E2F1: variants seen among roughly 807,000 people sequenced by gnomAD.
The protein encoded by E2F1 is transcription factor E2F1.
E2F1 carries 7 observed loss-of-function variants against 36.9 expected under a neutral mutation model. That is an observed-to-expected ratio of 0.19 (90% CI 0.11 to 0.36). The LOEUF (loss-of-function observed/expected upper bound fraction) is 0.36. Among genes scored for constraint, E2F1 ranks in the 10% least tolerant of loss-of-function variants. The probability of loss-of-function intolerance (pLI) is 1.00; values close to 1 mark genes in which losing one functional copy is unlikely to be tolerated. For synonymous variants in E2F1, 261 were observed against 263.1 expected (o/e 0.99, Z 0.08); for missense variants, 406 against 573.6 (o/e 0.71, Z 2.99).
intron 1 of E2F1, among the ~76,000 whole-genome samples, chr20:33,681,041 A>AT (rs1016090744): frequency 1.1e-4 from 17 of 151,198 alleles, no homozygotes; most frequent in African/African-American, 2.2e-4. Context: ...TTAAGGCACT[A>AT]TTTTTTTTTC....
chr20:33,680,119 G>A, intron 2 of E2F1, 145 bp from the exon 3 acceptor site: 1 of 913,656 alleles, frequency 1.1e-6, no homozygotes, highest in Non-Finnish European at 1.7e-6. Flanking sequence ...GCCAACCACA[G>A]CATTCTTCTT....
Position 33,683,324 on chromosome 20 carries a change from G to A in E2F1, c.261+2680C>T, listed in dbSNP as rs368771270. ...AAATTAGCCGGGTATGGTGGTGCAC[G>A]TCTGTAGTCCCAGCTACTCGGGAGG... On this transcript the variant is annotated intron_variant, in intron 1 of 6. Coordinates refer to ENST00000343380, the MANE Select transcript of E2F1 (RefSeq NM_005225.3). 1.7e-3 allele frequency among the ~76,000 whole-genome samples: 254 copies of A among 152,112 alleles called. 2 individuals are homozygous for A. Among genetic ancestry groups the A allele is most frequent in the South Asian group, 4.4e-3 (21 of 4,822 alleles).
chr20:33,680,375 C>T lies in E2F1; in HGVS notation c.303G>A (p.Leu101=). 2 of 1,614,208 alleles carry T rather than the reference C, an allele frequency of 1.2e-6. No homozygotes were observed. The highest frequency in any genetic ancestry group is 2.2e-5 in the East Asian group (1 of 44,890). The change falls in exon 2 of 7, where the codon CTG becomes CTA. Residue 101 remains leucine (L), a synonymous_variant. Transcript: ENST00000343380. ...RLDLETDHQY[L]AESSGPARGR... ...CCCGAGCTGGCCCACTGCTCTCGGC[C>T]AGGTACTGATGGTCAGTTTCCAGGT... is the stretch of plus-strand genomic sequence containing the variant.
intron 1 of E2F1, among the ~76,000 whole-genome samples, chr20:33,682,189 C>T (rs2018024335): frequency 6.6e-6 from 1 of 152,154 alleles, no homozygotes; most frequent in African/African-American, 2.4e-5. Flanking sequence ...TAGTGTCTGC[C>T]ATGGAGCCTG....
chr20:33,685,962 G>A (rs139636958), intron 1 of E2F1, 42 bp downstream of exon 1: 27,081 of 1,118,436 alleles, frequency 0.024, 387 homozygotes, highest in Admixed American at 0.035. Context: ...TGCGCGGGGG[G>A]CACAGGCGGC....
rs2018003443 is a variant in E2F1, at chr20:33,679,978, T to C, written c.353-4A>G. The C allele has an allele frequency of 1.9e-6, 3 of 1,610,396 alleles. No homozygotes were observed. The highest frequency in any genetic ancestry group is 2.5e-6 in the Non-Finnish European group (3 of 1,177,680). On this transcript the variant is annotated splice_polypyrimidine_tract_variant and splice_region_variant and intron_variant, in intron 2 of 6. Transcript: ENST00000343380. The surrounding 1 kb of genome is among the most constrained non-coding windows in gnomAD (Gnocchi z 4.6). ...TTCTCCCCCGGGGATTTCACACCTG[T>C]GGGGGTGTGGTCAGGCAAGACAGGG...
rs1443177467 is a variant in E2F1, at chr20:33,686,335, G to T, written c.-71C>A. The T allele has an allele frequency of 1.0e-6, 1 of 988,914 alleles. No individual in the cohort carries two copies. The highest frequency in any genetic ancestry group is 1.1e-4 in the East Asian group (1 of 9,070). 61.3% of individuals were successfully genotyped at this position (988,914 alleles called of 1,614,324 possible). A position where few individuals can be genotyped will look rare whatever the true frequency, so the allele number is the denominator to read the frequency against. On this transcript the variant is annotated 5_prime_UTR_variant, in exon 1 of 7. Transcript: ENST00000343380. ...CGCGGGCCCATGGCGGCAGGCCTCG[G>T]CGAGGGCTCGATCCCGCTCCGCCCC... is the stretch of plus-strand genomic sequence containing the variant.
At chr20:33,678,443 C>T in intron 3 of E2F1, 90 bp from the exon 4 acceptor site, 1 of 1,516,902 alleles carries the variant, frequency 6.6e-7, no homozygotes, top group South Asian at 1.2e-5. Flanking sequence ...CTGCTGTTGC[C>T]TCTGTTCTGT....
chr20:33,679,617 G>T lies in E2F1; in HGVS notation c.572+138C>A. 1 of 740,286 alleles carries T rather than the reference G, an allele frequency of 1.4e-6. No homozygotes were observed. The allele number at this position is 740,286 out of a possible 1,614,324, so 45.9% of individuals were successfully genotyped here. A position where few individuals can be genotyped will look rare whatever the true frequency, so the allele number is the denominator to read the frequency against. ...GTGCTTTTTACCATCTATCATCTCA[G>T]GGAAGCTACCTCTCCTCTCTGAGCC... On this transcript the variant is annotated intron_variant, in intron 3 of 6. Transcript: ENST00000343380. This position sits in a 1 kb window ranked among gnomAD's most constrained non-coding sequence, Gnocchi z 4.6.
rs1181655743 is a variant in E2F1, at chr20:33,679,152, A to C, written c.572+603T>G. 6.6e-6 allele frequency among the ~76,000 whole-genome samples: 1 copy of C among 152,258 alleles called. No homozygotes were observed. Among genetic ancestry groups the C allele is most frequent in the East Asian group, 1.9e-4 (1 of 5,202 alleles). Reference sequence around the variant, plus strand: ...AGGATAGTGGTGACCTGGCGGTGTGAGGGGTTGGCAATGACTGGAAAGGGG... The same window carrying C: ...AGGATAGTGGTGACCTGGCGGTGTGCGGGGTTGGCAATGACTGGAAAGGGG... On this transcript the variant is annotated intron_variant, in intron 3 of 6. Coordinates refer to ENST00000343380, the MANE Select transcript of E2F1 (RefSeq NM_005225.3). The surrounding 1 kb of genome is among the most constrained non-coding windows in gnomAD (Gnocchi z 4.6).
At position 33,676,712 on chromosome 20, in the gene E2F1, C is replaced by T; in HGVS notation, c.*20G>A. 2.5e-6 allele frequency: 4 copies of T among 1,588,494 alleles called. No individual in the cohort carries two copies. The highest frequency in any genetic ancestry group is 3.4e-6 in the Non-Finnish European group (4 of 1,166,460). On this transcript the variant is annotated 3_prime_UTR_variant, in exon 7 of 7. Transcript: ENST00000343380. Reference sequence around the variant, plus strand: ...AGACAAGGTGAGCATCTCTGGAAACCCTGGTCCCTCCAAGCCCTGTCAGAA... The same window carrying T: ...AGACAAGGTGAGCATCTCTGGAAACTCTGGTCCCTCCAAGCCCTGTCAGAA...
chr20:33,685,970 G>A, intron 1 of E2F1, 34 bp downstream of exon 1: 1 of 1,122,942 alleles, frequency 8.9e-7, no homozygotes, highest in Non-Finnish European at 1.1e-6. Context: ...GGGCACAGGC[G>A]GCGCTGTCGG....
At chr20:33,683,839 A>C (rs1022815642) in intron 1 of E2F1, among the ~76,000 whole-genome samples, 1 of 152,246 alleles carries the variant, frequency 6.6e-6, no homozygotes, top group African/African-American at 2.4e-5. Context: ...TATAGTTATA[A>C]TACTTGAGTT....
At position 33,676,821 on chromosome 20, in the gene E2F1, G is replaced by A; in HGVS notation, c.1225C>T (p.Leu409Phe). 6.3e-7 allele frequency: 1 copy of A among 1,596,682 alleles called. No homozygotes were observed. Among genetic ancestry groups the A allele is most frequent in the Non-Finnish European group, 8.5e-7 (1 of 1,170,976 alleles). Residue 409 changes from leucine to phenylalanine, a missense_variant, in exon 7 of 7, where the codon CTC becomes TTC. Transcript: ENST00000343380. ...TCCTCGAGGCCGAAGTGGTAGTCGA[G>A]GGCCTCGTGGGGTGGGGAAAGGCTG... ...FISLSPPHEALDYHFGLEEGE... is the reference protein window; with the variant it reads ...FISLSPPHEAFDYHFGLEEGE...
At position 33,676,600 on chromosome 20, in the gene E2F1, T is replaced by TTCTAGC; in HGVS notation, c.*131_*132insGCTAGA. Reference sequence around the variant, plus strand: ...GTAGCCAGACCCCAGAGCTAGAAGCTTCTGGAGACAGAGGAGAGGGGTATA... The same window carrying TTCTAGC: ...GTAGCCAGACCCCAGAGCTAGAAGCTTCTAGCTCTGGAGACAGAGGAGAGGGGTATA... On this transcript the variant is annotated 3_prime_UTR_variant, in exon 7 of 7. Coordinates refer to ENST00000343380, the MANE Select transcript of E2F1 (RefSeq NM_005225.3). 3.0e-6 allele frequency: 4 copies of TTCTAGC among 1,330,516 alleles called. No individual in the cohort carries two copies. Among genetic ancestry groups the TTCTAGC allele is most frequent in the Non-Finnish European group, 4.0e-6 (4 of 999,950 alleles). 82.4% of individuals were successfully genotyped at this position (1,330,516 alleles called of 1,614,324 possible).
chr20:33,680,749 G>C (rs192481982), intron 1 of E2F1, among the ~76,000 whole-genome samples: 1 of 152,226 alleles, frequency 6.6e-6, no homozygotes, highest in Admixed American at 6.5e-5. Context: ...GGAATGTGGT[G>C]GAAGGGATGG....
Position 33,675,888 on chromosome 20 carries a change from C to A in E2F1, c.*844G>T. The stretch of plus-strand genomic sequence containing the variant: ...GTGAAGGTCCCCCACTCACCTCTCC[C>A]ATCTCATATCCATCCTGGGGGGCAG... On this transcript the variant is annotated 3_prime_UTR_variant, in exon 7 of 7. Coordinates refer to ENST00000343380, the MANE Select transcript of E2F1 (RefSeq NM_005225.3). 6.1e-6 allele frequency: 1 copy of A among 163,692 alleles called. No homozygotes were observed. Among genetic ancestry groups the A allele is most frequent in the Non-Finnish European group, 1.3e-5 (1 of 75,292 alleles). The allele number at this position is 163,692 out of a possible 1,614,324, so 10.1% of individuals were successfully genotyped here.
At position 33,686,183 on chromosome 20, in the gene E2F1, G is replaced by C; in HGVS notation, c.82C>G (p.Leu28Val). The change falls in exon 1 of 7, where the codon CTC becomes GTC. Residue 28 changes from leucine to valine, a missense_variant. By Grantham distance (32) the Leu-to-Val change is conservative (BLOSUM62 1). Coordinates refer to ENST00000343380, the MANE Select transcript of E2F1 (RefSeq NM_005225.3). ...ATGATGACGATCTGCGAGGAGTCGA[G>C]CAGCCGCAGCGCGCCGGCCCCGAGC... ...ALLGAGALRL[L>V]DSSQIVIISA... 1 of 1,046,592 alleles carries C rather than the reference G, an allele frequency of 9.6e-7. No homozygotes were observed. Among genetic ancestry groups the C allele is most frequent in the Non-Finnish European group, 1.1e-6 (1 of 870,964 alleles). The allele number at this position is 1,046,592 out of a possible 1,614,324, so 64.8% of individuals were successfully genotyped here. A position where few individuals can be genotyped will look rare whatever the true frequency, so the allele number is the denominator to read the frequency against.
intron 1 of E2F1, 77 bp from the exon 2 acceptor site, chr20:33,680,493 G>A: frequency 7.5e-7 from 1 of 1,331,536 alleles, no homozygotes; most frequent in Non-Finnish European, 1.1e-6. Context: ...GGGTGCCTCT[G>A]GGCTACCCTC....
Sources: gnomAD v4.1 joint callset for allele counts (sites outside exome capture counted in the v4.1 genomes callset) on GRCh38, gnomAD v4.1.1 for gene constraint, Gnocchi (gnomAD v3.1) non-coding constraint, MANE v1.5 for transcripts, NCBI Gene and HGNC (gene_info 2026-07-23, HGNC 2026-07-21) for gene names.